Variants in C12orf76 observed in about 807,000 individuals in gnomAD.
C12orf76 encodes chromosome 12 open reading frame 76.
A neutral mutation model predicts 6.8 loss-of-function variants in C12orf76; 6 were observed. The ratio of observed to expected loss-of-function variants is 0.88; its 90% CI spans 0.48 to 1.73. The LOEUF (loss-of-function observed/expected upper bound fraction) is 1.73, where lower values mean the gene tolerates loss of function less well. Ranked by LOEUF, C12orf76 falls within the 40% of genes most tolerant of loss-of-function variation. C12orf76 has a pLI of 0.01. For synonymous variants in C12orf76, 56 were observed against 43.7 expected, an observed-to-expected ratio of 1.28 and a Z score of -1.11; for missense variants, 99 against 98.2, an observed-to-expected ratio of 1.01 and a Z score of -0.03.
intron 1 of C12orf76, chr12:110,042,761 T>C (rs1892346874): frequency 1.6e-6 from 1 of 611,320 alleles, no homozygotes; most frequent in African/African-American, 1.8e-5. Context: ...AGGAGGAGAC[T>C]CACAAACTAA....
At chr12:110,069,188 C>G (rs1354075271), upstream of C12orf76, among the ~76,000 whole-genome samples, 1 of 152,196 alleles carries the variant, frequency 6.6e-6, no homozygotes, top group Non-Finnish European at 1.5e-5. Flanking sequence ...CGCCTGTAAT[C>G]CCAGCATTTT....
upstream of C12orf76, among the ~76,000 whole-genome samples, chr12:110,068,297 A>T (rs949087455): frequency 2.0e-5 from 3 of 146,438 alleles, no homozygotes; most frequent in Non-Finnish European, 1.5e-5. Flanking sequence ...AAGAAGAAGA[A>T]GAAGAAGAAG....
chr12:110,044,013 A>G (rs1892383932), intron 1 of C12orf76: 1 of 146,234 alleles, frequency 6.8e-6, no homozygotes, highest in African/African-American at 2.7e-5. Flanking sequence ...AAACTACTAC[A>G]TAACAAAAAA....
At chr12:110,071,491 G>T (rs796948870), upstream of C12orf76, among the ~76,000 whole-genome samples, 111 of 152,058 alleles carry the variant, frequency 7.3e-4, no homozygotes, top group African/African-American at 2.6e-3. Context: ...CAATCATCAT[G>T]ATAAGGGCTC....
chr12:110,067,549 C>G (rs1329169706), exon 1 of C12orf76: 1 of 985,412 alleles, frequency 1.0e-6, no homozygotes, highest in African/African-American at 1.7e-5. Flanking sequence ...TAAGGAAAAT[C>G]CACTGGATGT....
chr12:110,048,922 G>A (rs1892524111), upstream of C12orf76: 1 of 155,128 alleles, frequency 6.4e-6, no homozygotes, highest in Non-Finnish European at 1.4e-5. Flanking sequence ...TTCTCAGGGA[G>A]CCCTTGCCCA....
At chr12:110,049,844 G>T (rs2137222528), upstream of C12orf76, 1 of 152,306 alleles carries the variant, frequency 6.6e-6, no homozygotes, top group South Asian at 2.1e-4. Flanking sequence ...TTGTATAGAA[G>T]AACGTTGTGA....
chr12:110,051,368 C>T (rs1408860935), upstream of C12orf76: 4 of 664,030 alleles, frequency 6.0e-6, no homozygotes, highest in African/African-American at 3.5e-5. Context: ...TGTCTGCAAA[C>T]TCCTTTGCCC....
rs1184622333 is a variant in C12orf76 at position 110,041,596 on chromosome 12, G to A, written c.*778C>T. 2.6e-5 allele frequency: 4 copies of A among 152,258 alleles called. No homozygotes were observed. The highest frequency in any genetic ancestry group is 5.9e-5 in the Non-Finnish European group (4 of 68,080). The allele number at this position is 152,258 out of a possible 1,614,324, so 9.4% of individuals were successfully genotyped here. ...CCCAGGGATGAACAGAGTGCCCACT[G>A]AGCCTTTTACATTCCAAATCTGGAA... is the stretch of plus-strand genomic sequence containing the variant. On this transcript the variant is annotated 3_prime_UTR_variant, in exon 2 of 2. Coordinates refer to ENST00000615315, the MANE Select transcript of C12orf76 (RefSeq NM_001389625.1).
intron 4 of C12orf76, among the ~76,000 whole-genome samples, chr12:110,056,648 GA>G (rs1386876253): frequency 2.0e-5 from 3 of 152,100 alleles, no homozygotes; most frequent in African/African-American, 7.2e-5. Context: ...TAATGGGAGA[GA>G]AGTTAGGGCC....
chr12:110,068,241 AAG>A (rs1309604561), upstream of C12orf76, among the ~76,000 whole-genome samples: 4 of 139,016 alleles, frequency 2.9e-5, no homozygotes, highest in East Asian at 4.2e-4. Context: ...AGAGAAGAAG[AAG>A]AAGAAAGAAG....
chr12:110,068,295 G>A (rs920978906), upstream of C12orf76, among the ~76,000 whole-genome samples: 4 of 145,844 alleles, frequency 2.7e-5, no homozygotes, highest in Non-Finnish European at 4.6e-5. Flanking sequence ...AGAAGAAGAA[G>A]AAGAAGAAGA....
chr12:110,053,812 G>A (rs1048328956), upstream of C12orf76, among the ~76,000 whole-genome samples: 9 of 151,456 alleles, frequency 5.9e-5, no homozygotes, highest in South Asian at 6.3e-4. Flanking sequence ...GGCCAGGCGC[G>A]GTGGCTCATG....
chr12:110,055,407 ATGT>A (rs956350031), intron 4 of C12orf76, among the ~76,000 whole-genome samples: 3 of 152,052 alleles, frequency 2.0e-5, no homozygotes, highest in Non-Finnish European at 2.9e-5. Flanking sequence ...GGGTTTCACC[ATGT>A]TGGCCAAGCT....
At chr12:110,059,069 C>G (rs1169592192) in exon 3 of C12orf76, 3 of 1,551,610 alleles carry the variant, frequency 1.9e-6, no homozygotes, top group Non-Finnish European at 2.6e-6. Context: ...GCAGCGCCAG[C>G]TCTGAACGCA....
At chr12:110,065,862 G>A (rs767653083) in exon 2 of C12orf76, 1 of 1,614,134 alleles carries the variant, frequency 6.2e-7, no homozygotes, top group Non-Finnish European at 8.5e-7. Context: ...TCTCTTACCA[G>A]GTTCTGGAAC....
chr12:110,072,374 G>T (rs2137244436), upstream of C12orf76, among the ~76,000 whole-genome samples: 1 of 152,276 alleles, frequency 6.6e-6, no homozygotes, highest in Middle Eastern at 3.4e-3. Flanking sequence ...CACATATTGT[G>T]TGAGTCCATT....
intron 1 of C12orf76, among the ~76,000 whole-genome samples, chr12:110,047,103 C>T (rs1194797340): frequency 1.3e-5 from 2 of 152,028 alleles, no homozygotes; most frequent in Non-Finnish European, 2.9e-5. Context: ...ATACTAATAG[C>T]CACTTTGTAG....
intron 4 of C12orf76, chr12:110,057,112 G>A (rs141702767): frequency 2.2e-5 from 21 of 968,840 alleles, no homozygotes; most frequent in African/African-American, 1.3e-4. Context: ...AGATGGAGAC[G>A]AAGGTGTCCA....
Sources: gnomAD v4.1 joint callset for allele counts (sites outside exome capture counted in the v4.1 genomes callset) on GRCh38, gnomAD v4.1.1 for gene constraint, MANE v1.5 for transcripts, NCBI Gene and HGNC (gene_info 2026-07-23, HGNC 2026-07-21) for gene names.